Variants in SALL3 observed in about 807,000 individuals in gnomAD.
SALL3 encodes spalt like transcription factor 3.
SALL3 carries 25 observed loss-of-function variants against 66.2 expected under a neutral mutation model. That is an observed-to-expected ratio of 0.38 (90% CI 0.28 to 0.53). The LOEUF is 0.53. Among genes scored for constraint, SALL3 ranks in the 20% least tolerant of loss-of-function variants. The pLI is 0.85. For missense variants in SALL3, 2,194 were observed against 1,916.5 expected (o/e 1.14, Z -2.70); for synonymous variants, 1,152 against 899.1 (o/e 1.28, Z -5.03).
rs1399044592 is a variant in SALL3 at position 78,979,888 on chromosome 18, C to T, written c.-387C>T. 6.9e-6 allele frequency among the ~76,000 whole-genome samples: 1 copy of T among 144,732 alleles called. No homozygotes were observed. Among genetic ancestry groups the T allele is most frequent in the African/African-American group, 2.5e-5 (1 of 40,390 alleles). 94.9% of individuals were successfully genotyped at this position (144,732 alleles called of 152,430 possible). A position where few individuals can be genotyped will look rare whatever the true frequency, so the allele number is the denominator to read the frequency against. Reference sequence around the variant, plus strand: ...CTGCGGAGGGACGGCCACCGCGGCCCGCGCCGCACCCGGGCCCCGCCACAG... The same window carrying T: ...CTGCGGAGGGACGGCCACCGCGGCCTGCGCCGCACCCGGGCCCCGCCACAG... On this transcript the variant is annotated 5_prime_UTR_variant, in exon 1 of 3. Coordinates refer to ENST00000537592, the MANE Select transcript of SALL3 (RefSeq NM_171999.4).
rs569636624 is a variant in SALL3 at position 78,994,474 on chromosome 18, C to G, written c.2483C>G (p.Ser828Cys). 7 of 1,611,202 alleles carry G rather than the reference C, an allele frequency of 4.3e-6. No homozygotes were observed. The highest frequency in any genetic ancestry group is 5.9e-6 in the Non-Finnish European group (7 of 1,179,106). The change falls in exon 2 of 3, where the codon TCC (serine) becomes TGC (cysteine). Residue 828 changes from serine to cysteine, a missense_variant. Coordinates refer to ENST00000537592, the MANE Select transcript of SALL3 (RefSeq NM_171999.4). ...AAGCCACTCCTGTCCTACGCGGGGT[C>G]CTGCCCGCCCTCCCCGCCCTCGGTC... ...PAKPLLSYAG[S>C]CPPSPPSVIS...
Position 78,980,270 on chromosome 18 carries a change from G to A in SALL3, c.-5G>A. 1 of 1,352,540 alleles carries A rather than the reference G, an allele frequency of 7.4e-7. No homozygotes were observed. The highest frequency in any genetic ancestry group is 9.6e-7 in the Non-Finnish European group (1 of 1,038,814). The allele number at this position is 1,352,540 out of a possible 1,614,324, so 83.8% of individuals were successfully genotyped here. ...CCCGCGCGGGGCCCGAGCGCCGCTA[G>A]CAGCATGTCTCGGCGCAAGCAGGCC... On this transcript the variant is annotated 5_prime_UTR_variant, in exon 1 of 3. The change abolishes the stop of an existing upstream ORF in the 5' untranslated region. Coordinates refer to ENST00000537592, the MANE Select transcript of SALL3 (RefSeq NM_171999.4).
chr18:78,990,136 G>T (rs1914377879), intron 1 of SALL3, among the ~76,000 whole-genome samples: 1 of 152,168 alleles, frequency 6.6e-6, no homozygotes, highest in Non-Finnish European at 1.5e-5. Flanking sequence ...ATTGAGCAAA[G>T]TTGAGTACTT....
intron 2 of SALL3, 77 bp from the exon 3 acceptor site, chr18:78,996,814 C>G (rs1914709118): frequency 1.1e-5 from 16 of 1,445,288 alleles, no homozygotes; most frequent in Non-Finnish European, 1.2e-5. Flanking sequence ...GGACCTCTGT[C>G]TGCTGCGCTG....
At chr18:78,981,052 C>G (rs1001914621) in intron 1 of SALL3, among the ~76,000 whole-genome samples, 1 of 152,240 alleles carries the variant, frequency 6.6e-6, no homozygotes, top group African/African-American at 2.4e-5. Flanking sequence ...TCTCTCCCGT[C>G]TTTTTGGATC....
rs1568298430 is a variant in SALL3 at position 78,997,237 on chromosome 18, G to C, written c.3818G>C (p.Ser1273Thr). 2 of 1,614,012 alleles carry C rather than the reference G, an allele frequency of 1.2e-6. No homozygotes were observed. Among genetic ancestry groups the C allele is most frequent in the Non-Finnish European group, 1.7e-6 (2 of 1,180,032 alleles). Reference protein sequence around the residue: ...ARTGSSPPIVSLDKASSETAA... With the variant: ...ARTGSSPPIVTLDKASSETAA... ...ACTGGCAGTAGCCCACCCATCGTCA[G>C]CTTGGACAAAGCGAGCTCAGAAACA... Residue 1273 changes from serine to threonine, a missense_variant, in exon 3 of 3, where the codon AGC (serine) becomes ACC (threonine). Transcript: ENST00000537592.
rs775979281 is a variant in SALL3 at position 78,992,582 on chromosome 18, G to C, written c.591G>C (p.Val197=). The C allele has an allele frequency of 1.3e-6, 2 of 1,506,542 alleles. No individual in the cohort carries two copies. The highest frequency in any genetic ancestry group is 1.8e-6 in the Non-Finnish European group (2 of 1,135,290). The allele number at this position is 1,506,542 out of a possible 1,614,324, so 93.3% of individuals were successfully genotyped here. The change falls in exon 2 of 3, where the codon GTG becomes GTC. Residue 197 remains valine, a synonymous_variant. Transcript: ENST00000537592. ...AAGGSGAGGG[V]AAAAVPLILE... ...GCGGCTCGGGAGCAGGTGGAGGCGTGGCAGCTGCAGCCGTGCCCCTGATCC... is the reference window on the plus strand; with the variant it reads ...GCGGCTCGGGAGCAGGTGGAGGCGTCGCAGCTGCAGCCGTGCCCCTGATCC...
intron 1 of SALL3, among the ~76,000 whole-genome samples, chr18:78,984,709 A>C (rs1035081843): frequency 3.9e-5 from 6 of 152,256 alleles, no homozygotes; most frequent in Non-Finnish European, 8.8e-5. Context: ...ATTTCTAAGC[A>C]AACCAGGCCA....
At position 78,992,295 on chromosome 18, in the gene SALL3, T is replaced by TC; in HGVS notation, c.309dup (p.Ser104GlnfsTer492). On this transcript the variant is annotated frameshift_variant, in exon 2 of 3. Coordinates refer to ENST00000537592, the MANE Select transcript of SALL3 (RefSeq NM_171999.4). LOFTEE classifies it high-confidence loss of function. ...CTTCCCCGAGCCTTCGCCCGCCAGC[T>TC]CCCCCAGCGAGCGCGCCGAAAGCGA... The TC allele has an allele frequency of 6.5e-7, 1 of 1,528,936 alleles. No individual in the cohort carries two copies. Among genetic ancestry groups the TC allele is most frequent in the Non-Finnish European group, 8.7e-7 (1 of 1,147,180 alleles). 94.7% of individuals were successfully genotyped at this position (1,528,936 alleles called of 1,614,324 possible).
intron 1 of SALL3, among the ~76,000 whole-genome samples, chr18:78,985,995 A>G (rs918962001): frequency 8.5e-5 from 13 of 152,230 alleles, no homozygotes; most frequent in Non-Finnish European, 8.8e-5. Context: ...CGTATTTTTC[A>G]TTAGGCATAG....
Position 78,992,114 on chromosome 18 carries a change from C to G in SALL3, c.123C>G (p.Pro41=), listed in dbSNP as rs762362346. The change falls in exon 2 of 3, where the codon CCC becomes CCG. Residue 41 remains proline, a synonymous_variant. Coordinates refer to ENST00000537592, the MANE Select transcript of SALL3 (RefSeq NM_171999.4). ...GEGAEDADSG[P]ESRSGGEETS... is the part of the protein sequence containing the mutation. ...GTGCGGAGGACGCAGACAGCGGGCC[C>G]GAGAGCCGCAGCGGGGGCGAGGAGA... The G allele has an allele frequency of 3.1e-5, 50 of 1,589,930 alleles. No homozygotes were observed. Among genetic ancestry groups the G allele is most frequent in the Non-Finnish European group, 3.8e-5 (45 of 1,169,254 alleles).
Position 78,993,211 on chromosome 18 carries a change from T to C in SALL3, c.1220T>C (p.Phe407Ser). The C allele has an allele frequency of 6.2e-7, 1 of 1,611,330 alleles. No homozygotes were observed. The highest frequency in any genetic ancestry group is 1.1e-5 in the South Asian group (1 of 90,906). Reference protein sequence around the residue: ...RKGKPPNVSVFEPKASAEDPF... With the variant: ...RKGKPPNVSVSEPKASAEDPF... ...GGCAAGCCGCCCAATGTGTCGGTGTTCGAGCCCAAAGCCAGCGCCGAGGAC... is the reference window on the plus strand; with the variant it reads ...GGCAAGCCGCCCAATGTGTCGGTGTCCGAGCCCAAAGCCAGCGCCGAGGAC... The change falls in exon 2 of 3, where the codon TTC becomes TCC. Residue 407 changes from phenylalanine to serine, a missense_variant. By Grantham distance (155) the Phe-to-Ser change is radical (BLOSUM62 -2). Coordinates refer to ENST00000537592, the MANE Select transcript of SALL3 (RefSeq NM_171999.4).
At chr18:78,981,158 G>C (rs1043245054) in intron 1 of SALL3, among the ~76,000 whole-genome samples, 1 of 152,236 alleles carries the variant, frequency 6.6e-6, no homozygotes, top group Non-Finnish European at 1.5e-5. Flanking sequence ...CAGGCGCCGC[G>C]AAAGTTAAGA....
chr18:78,989,034 A>AT (rs892873967), intron 1 of SALL3, among the ~76,000 whole-genome samples: 1 of 152,202 alleles, frequency 6.6e-6, no homozygotes, highest in Non-Finnish European at 1.5e-5. Flanking sequence ...TCCTTTTTCA[A>AT]TTTTGAAGGA....
At chr18:78,985,213 G>A (rs1297899019) in intron 1 of SALL3, 1 of 152,214 alleles carries the variant, frequency 6.6e-6, no homozygotes, top group Non-Finnish European at 1.5e-5. Flanking sequence ...GCTCACCACT[G>A]TTCTGTTAAG....
intron 2 of SALL3, 103 bp downstream of exon 2, chr18:78,995,565 C>T (rs1467420537): frequency 6.9e-7 from 1 of 1,448,154 alleles, no homozygotes; most frequent in Non-Finnish European, 9.1e-7. Flanking sequence ...CTGCTCCTAT[C>T]CTGGCCAGGG....
Position 78,993,698 on chromosome 18 carries a change from C to T in SALL3, c.1707C>T (p.Gly569=), listed in dbSNP as rs781180530. 2.3e-4 allele frequency: 361 copies of T among 1,573,684 alleles called. 1 individual carries two copies. The highest frequency in any genetic ancestry group is 1.7e-3 in the Middle Eastern group (10 of 5,950). ...ASSECASLSP[G]LNHVESGVSA... is the part of the protein sequence containing the mutation. The stretch of plus-strand genomic sequence containing the variant: ...GCGAGTGCGCCTCCTTGTCCCCAGG[C>T]CTCAACCACGTGGAGTCCGGCGTGT... The change falls in exon 2 of 3, where the codon GGC becomes GGT. Residue 569 remains glycine (G), a synonymous_variant. Transcript: ENST00000537592.
rs1377223228 is a variant in SALL3, at chr18:78,996,810, C to G, written c.3472-81C>G. ...TCGCGCTTGGGAGCGGGGTGGACCTCTGTCTGCTGCGCTGGAAGCGGAGCA... is the reference window on the plus strand; with the variant it reads ...TCGCGCTTGGGAGCGGGGTGGACCTGTGTCTGCTGCGCTGGAAGCGGAGCA... On this transcript the variant is annotated intron_variant, in intron 2 of 2. Transcript: ENST00000537592. 4.2e-6 allele frequency: 6 copies of G among 1,423,624 alleles called. No homozygotes were observed. The East Asian group carries it at 1.5e-4, about 35-fold the overall frequency. The allele number at this position is 1,423,624 out of a possible 1,614,324, so 88.2% of individuals were successfully genotyped here.
chr18:78,994,495 C>G lies in SALL3; in HGVS notation c.2504C>G (p.Ser835Trp), dbSNP rs763342628. 10 of 1,611,340 alleles carry G rather than the reference C, an allele frequency of 6.2e-6. No individual in the cohort carries two copies. Among genetic ancestry groups the G allele is most frequent in the African/African-American group, 1.3e-5 (1 of 74,876 alleles). The change falls in exon 2 of 3, where the codon TCG (serine) becomes TGG (tryptophan). Residue 835 changes from serine to tryptophan, a missense_variant. Transcript: ENST00000537592. ...YAGSCPPSPP[S>W]VISSIAALEN... ...GGGTCCTGCCCGCCCTCCCCGCCCT[C>G]GGTCATCTCCAGCATTGCCGCCCTG...
Sources: gnomAD v4.1 joint callset for allele counts (sites outside exome capture counted in the v4.1 genomes callset) on GRCh38, gnomAD v4.1.1 for gene constraint, MANE v1.5 for transcripts, NCBI Gene and HGNC (gene_info 2026-07-23, HGNC 2026-07-21) for gene names.